Variants in ST7 observed in about 807,000 individuals in gnomAD.
ST7 encodes the protein suppression of tumorigenicity 7.
ST7 carries 28 observed loss-of-function variants against 78.7 expected under a neutral mutation model. The ratio of observed to expected loss-of-function variants is 0.36; its 90% CI spans 0.26 to 0.49. The LOEUF (loss-of-function observed/expected upper bound fraction) is 0.49, where lower values mean the gene tolerates loss of function less well. Ranked by LOEUF, ST7 falls within the 20% of genes least tolerant of loss-of-function variation. ST7 has a pLI of 0.99. For synonymous variants in ST7, 247 were observed against 249.6 expected (o/e 0.99, Z 0.10); for missense variants, 418 against 696.0 (o/e 0.60, Z 4.49).
chr7:117,036,366 A>G (rs547454106), intron 1 of ST7, among the ~76,000 whole-genome samples: 1 of 152,356 alleles, frequency 6.6e-6, no homozygotes, highest in Non-Finnish European at 1.5e-5. Context: ...GTGGCCCTCA[A>G]AAACATAATG....
intron 10 of ST7, among the ~76,000 whole-genome samples, chr7:117,186,154 G>C (rs1276719804): frequency 6.6e-6 from 1 of 152,176 alleles, no homozygotes; most frequent in South Asian, 2.1e-4. Context: ...ATTCATTCTT[G>C]CTGTAGATCT....
intron 1 of ST7, among the ~76,000 whole-genome samples, chr7:117,008,506 T>A (rs2115889630): frequency 6.6e-6 from 1 of 152,316 alleles, no homozygotes; most frequent in South Asian, 2.1e-4. Flanking sequence ...TTTTATATAA[T>A]CTTCAAGGGC....
At chr7:117,033,956 G>A (rs548827929) in intron 1 of ST7, among the ~76,000 whole-genome samples, 7 of 151,480 alleles carry the variant, frequency 4.6e-5, no homozygotes, top group African/African-American at 7.3e-5. Context: ...TCCTTTTTTT[G>A]TTTAGAGACA....
chr7:117,034,224 C>T lies in ST7; in HGVS notation c.152-65538C>T, dbSNP rs568480022. On this transcript the variant is annotated intron_variant, in intron 1 of 15. Coordinates refer to ENST00000323984, the MANE Select transcript of ST7 (RefSeq NM_001369598.1). The stretch of plus-strand genomic sequence containing the variant: ...AAAGTGCTGAGATTACAGGTGTGAG[C>T]CACTGTGCCTGGCCTGCTGTGAGTT... Among the ~76,000 whole-genome samples, 5 of 152,300 alleles carry T rather than the reference C, an allele frequency of 3.3e-5. No individual in the cohort carries two copies. The East Asian group carries it at 9.6e-4, about 29-fold the overall frequency.
At chr7:117,156,624 G>T (rs1000532921) in intron 9 of ST7, among the ~76,000 whole-genome samples, 11 of 152,144 alleles carry the variant, frequency 7.2e-5, no homozygotes, top group Non-Finnish European at 1.6e-4. Flanking sequence ...ATTAAGAAGT[G>T]AGTCCCAGTG....
intron 13 of ST7, among the ~76,000 whole-genome samples, chr7:117,215,415 A>G (rs2079029224): frequency 6.6e-6 from 1 of 152,186 alleles, no homozygotes; most frequent in Admixed American, 6.5e-5. Flanking sequence ...GACCTGACAG[A>G]GAAAGTAGGA....
intron 1 of ST7, among the ~76,000 whole-genome samples, chr7:117,032,555 A>T: frequency 6.6e-6 from 1 of 152,130 alleles, no homozygotes; most frequent in Non-Finnish European, 1.5e-5. Flanking sequence ...TCAGGATGAC[A>T]TTTGTCACCT....
Position 117,207,344 on chromosome 7 carries a change from A to G in ST7, c.1255-2443A>G, listed in dbSNP as rs1200589432. On this transcript the variant is annotated intron_variant, in intron 12 of 15. Coordinates refer to ENST00000323984, the MANE Select transcript of ST7 (RefSeq NM_001369598.1). ...TTTTTAGTAGAGACAGAGTTTTACC[A>G]CCTTGGCCAGGCTGGTCTTGAACTC... Among the ~76,000 whole-genome samples, 4 of 151,606 alleles carry G rather than the reference A, an allele frequency of 2.6e-5. 1 individual carries two copies. The South Asian group carries it at 6.2e-4, about 24-fold the overall frequency.
At chr7:116,983,022 C>G (rs1794027273) in intron 1 of ST7, among the ~76,000 whole-genome samples, 1 of 152,174 alleles carries the variant, frequency 6.6e-6, no homozygotes, top group South Asian at 2.1e-4. Context: ...CCTGAGCCTC[C>G]CAAGTAGCTG....
intron 1 of ST7, among the ~76,000 whole-genome samples, chr7:117,009,224 A>G (rs1254158922): frequency 6.6e-6 from 1 of 150,970 alleles, no homozygotes; most frequent in Non-Finnish European, 1.5e-5. Context: ...TACAGCTAAG[A>G]AATTCCTTAA....
intron 1 of ST7, among the ~76,000 whole-genome samples, chr7:117,044,939 C>A (rs934502026): frequency 6.6e-5 from 10 of 152,260 alleles, no homozygotes; most frequent in Admixed American, 5.2e-4. Flanking sequence ...TGCCTCTCCC[C>A]CCTACTACTC....
chr7:116,998,401 G>A (rs932882901), intron 1 of ST7, among the ~76,000 whole-genome samples: 3 of 152,212 alleles, frequency 2.0e-5, no homozygotes, highest in Admixed American at 6.5e-5. Context: ...CCCGCAAGCC[G>A]AGGGAGCTGG....
At chr7:116,971,515 G>GA (rs141511141) in intron 1 of ST7, among the ~76,000 whole-genome samples, 4,897 of 147,906 alleles carry the variant, frequency 0.033, 241 homozygotes, top group African/African-American at 0.11. Flanking sequence ...CAATTCTAAT[G>GA]AAAAAAAAAA....
chr7:117,124,117 G>GA (rs747358723), intron 3 of ST7, among the ~76,000 whole-genome samples: 1 of 151,940 alleles, frequency 6.6e-6, no homozygotes, highest in African/African-American at 2.4e-5. Flanking sequence ...AGATCATAAA[G>GA]AAAAACAATG....
Position 117,190,607 on chromosome 7 carries a change from C to T in ST7, c.1152-227C>T, listed in dbSNP as rs1479079206. On this transcript the variant is annotated intron_variant, in intron 11 of 15. Transcript: ENST00000323984. The surrounding 1 kb of genome is among the most constrained non-coding windows in gnomAD (Gnocchi z 5.2). ...GCCATTTAGACAGAGACTTGACAGC[C>T]GAATTTAACTCCTGCCATGACTAGA... Among the ~76,000 whole-genome samples, 2 of 152,174 alleles carry T rather than the reference C, an allele frequency of 1.3e-5. No homozygotes were observed. The highest frequency in any genetic ancestry group is 2.4e-5 in the African/African-American group (1 of 41,456).
intron 1 of ST7, among the ~76,000 whole-genome samples, chr7:117,056,837 T>C (rs1171951709): frequency 2.6e-5 from 4 of 152,180 alleles, no homozygotes; most frequent in Admixed American, 2.6e-4. Context: ...GGATTTGTAA[T>C]TCTTAAGTAT....
In ST7 at chr7:117,166,048, C is replaced by T. The variant is rs183521594; in HGVS notation, c.964-4814C>T. On this transcript the variant is annotated intron_variant, in intron 9 of 15. Coordinates refer to ENST00000323984, the MANE Select transcript of ST7 (RefSeq NM_001369598.1). The stretch of plus-strand genomic sequence containing the variant: ...ATTCCTAAAAATGGCTGTCCCCCTC[C>T]CCAGTTTATAGAATGAATATTAGAA... 1.5e-4 allele frequency among the ~76,000 whole-genome samples: 23 copies of T among 152,004 alleles called. 1 individual carries two copies. The highest frequency in any genetic ancestry group is 1.4e-3 in the Admixed American group (21 of 15,274).
At chr7:117,139,453 T>A (rs1805082949) in intron 9 of ST7, among the ~76,000 whole-genome samples, 1 of 152,216 alleles carries the variant, frequency 6.6e-6, no homozygotes, top group African/African-American at 2.4e-5. Flanking sequence ...GCACACTTGG[T>A]GAGCCTTTTC....
chr7:117,064,392 C>T (rs1399402576), intron 1 of ST7, among the ~76,000 whole-genome samples: 1 of 152,116 alleles, frequency 6.6e-6, no homozygotes, highest in Admixed American at 6.5e-5. Context: ...AGCAAAGTCT[C>T]AAAAGATTTT....
Sources: allele counts gnomAD v4.1 joint callset (sites outside exome capture counted in the v4.1 genomes callset), GRCh38; gene constraint gnomAD v4.1.1; non-coding constraint Gnocchi (gnomAD v3.1); transcripts MANE v1.5; gene names NCBI Gene and HGNC (gene_info 2026-07-23, HGNC 2026-07-21).